FBXL3: variants seen among roughly 807,000 people sequenced by gnomAD.
The protein encoded by FBXL3 is F-box and leucine rich repeat protein 3.
In FBXL3, 14 loss-of-function variants were observed where a neutral mutation model predicts 37.9. The observed-to-expected ratio is 0.37, with a 90% CI of 0.24 to 0.58. FBXL3 has a LOEUF of 0.58. FBXL3 is among the 20% of genes least tolerant of loss of function. FBXL3 has a pLI of 0.74. For missense variants in FBXL3, 327 were observed against 511.1 expected, an observed-to-expected ratio of 0.64 and a Z score of 3.47; for synonymous variants, 194 against 180.1, an observed-to-expected ratio of 1.08 and a Z score of -0.62.
At position 77,006,100 on chromosome 13, in the gene FBXL3, T is replaced by C. The variant is rs145523101; in HGVS notation, c.*1045A>G. 7.9e-5 allele frequency: 12 copies of C among 152,666 alleles called. No individual in the cohort carries two copies. The highest frequency in any genetic ancestry group is 3.4e-3 in the Middle Eastern group (1 of 294). The allele number at this position is 152,666 out of a possible 1,614,324, so 9.5% of individuals were successfully genotyped here. ...AACTTAAATATGTCCTCTTTAAAATTTGCTGTTTATGCTAGACTGTACAAT... is the reference window on the plus strand; with the variant it reads ...AACTTAAATATGTCCTCTTTAAAATCTGCTGTTTATGCTAGACTGTACAAT... On this transcript the variant is annotated 3_prime_UTR_variant, in exon 5 of 5. Coordinates refer to ENST00000355619, the MANE Select transcript of FBXL3 (RefSeq NM_012158.4).
At chr13:77,018,456 T>A in intron 3 of FBXL3, 144 bp downstream of exon 3, 1 of 540,992 alleles carries the variant, frequency 1.8e-6, no homozygotes, top group Non-Finnish European at 2.8e-6. Context: ...AAAAATACTA[T>A]TTATTTTCAT....
intron 3 of FBXL3, 39 bp downstream of exon 3, chr13:77,018,561 T>C: frequency 1.4e-6 from 2 of 1,475,462 alleles, no homozygotes; most frequent in South Asian, 1.5e-5. Context: ...TTTCACTGAA[T>C]TTCTCAGTAA....
In FBXL3 at chr13:77,007,412, A is replaced by G. The variant is rs2034470701; in HGVS notation, c.1020T>C (p.Cys340=). 6.2e-7 allele frequency: 1 copy of G among 1,614,214 alleles called. No individual in the cohort carries two copies. Among genetic ancestry groups the G allele is most frequent in the Non-Finnish European group, 8.5e-7 (1 of 1,180,034 alleles). ...CATCAAGTGGCCGTAATCCATTTGC[A>G]CACACTACTAGTTCAACCAGTCTAG... The part of the protein sequence containing the change: ...TCPRLVELVV[C]ANGLRPLDEE... Residue 340 remains cysteine, a synonymous_variant, in exon 5 of 5, where the codon TGT becomes TGC. Transcript: ENST00000355619.
At chr13:77,022,539 G>T (rs928579413) in intron 1 of FBXL3, among the ~76,000 whole-genome samples, 1 of 152,200 alleles carries the variant, frequency 6.6e-6, no homozygotes, top group Non-Finnish European at 1.5e-5. Context: ...ATCTGAGGTG[G>T]AACAGTTTCT....
intron 4 of FBXL3, chr13:77,010,966 CAT>C (rs1413369169): frequency 6.6e-6 from 1 of 152,166 alleles, no homozygotes; most frequent in Non-Finnish European, 1.5e-5. Context: ...TATTTAAAAA[CAT>C]AACACAGTGA....
chr13:77,014,764 T>C (rs533598243), intron 4 of FBXL3: 4 of 152,334 alleles, frequency 2.6e-5, no homozygotes, highest in South Asian at 2.1e-4. Flanking sequence ...CAGCAGACAG[T>C]AGTATAATAC....
chr13:77,021,849 T>C lies in FBXL3; in HGVS notation c.12A>G (p.Gly4=). 1 of 1,605,542 alleles carries C rather than the reference T, an allele frequency of 6.2e-7. No homozygotes were observed. The highest frequency in any genetic ancestry group is 2.2e-5 in the East Asian group (1 of 44,766). ...ATGAATTACGGTCACTATCTCTTCCTCCTCGTTTCATCCTATTCCGAAAAA... is the reference window on the plus strand; with the variant it reads ...ATGAATTACGGTCACTATCTCTTCCCCCTCGTTTCATCCTATTCCGAAAAA... MKR[G]GRDSDRNSSE... Residue 4 remains glycine (G), a synonymous_variant, in exon 2 of 5, where the codon GGA becomes GGG. Coordinates refer to ENST00000355619, the MANE Select transcript of FBXL3 (RefSeq NM_012158.4).
At position 77,021,549 on chromosome 13, in the gene FBXL3, T is replaced by A. The variant is rs2034743955; in HGVS notation, c.312A>T (p.Lys104Asn). 1 of 1,613,956 alleles carries A rather than the reference T, an allele frequency of 6.2e-7. No homozygotes were observed. Among genetic ancestry groups the A allele is most frequent in the Non-Finnish European group, 8.5e-7 (1 of 1,179,890 alleles). ...THPELIKQIIKRHSNHLQYVS... is the reference protein window; with the variant it reads ...THPELIKQIINRHSNHLQYVS... ...CATATTGTAGATGGTTTGAATGTCT[T>A]TTAATAATCTGTTTGATCAGCTCTG... Residue 104 changes from lysine to asparagine, a missense_variant, in exon 2 of 5, where the codon AAA becomes AAT. Lys to Asn is a moderately conservative substitution (Grantham distance 94, BLOSUM62 0). Transcript: ENST00000355619.
intron 2 of FBXL3, among the ~76,000 whole-genome samples, chr13:77,021,023 C>G (rs1397842996): frequency 1.3e-5 from 2 of 152,208 alleles, no homozygotes; most frequent in Non-Finnish European, 2.9e-5. Flanking sequence ...TTGGCATTCT[C>G]CCATGTACCT....
intron 2 of FBXL3, among the ~76,000 whole-genome samples, chr13:77,020,412 C>A (rs1465860172): frequency 6.6e-6 from 1 of 152,202 alleles, no homozygotes; most frequent in Non-Finnish European, 1.5e-5. Flanking sequence ...ACCACCAATT[C>A]TCTCCTCCTC....
chr13:77,025,722 A>C (rs77600937), intron 1 of FBXL3, among the ~76,000 whole-genome samples: 1 of 150,976 alleles, frequency 6.6e-6, no homozygotes, highest in African/African-American at 2.4e-5. Flanking sequence ...ACTTTGAAAG[A>C]AGCAACTTCA....
In FBXL3 at chr13:77,007,316, T is replaced by C; in HGVS notation, c.1116A>G (p.Ser372=). 6.2e-7 allele frequency: 1 copy of C among 1,614,178 alleles called. No individual in the cohort carries two copies. Among genetic ancestry groups the C allele is most frequent in the South Asian group, 1.1e-5 (1 of 91,084 alleles). The stretch of plus-strand genomic sequence containing the variant: ...TCACAAACTCAACAAAGGCACTACA[T>C]GAGACTTCACATTCCCCTAGTCCAA... ...SAIGLGECEV[S]CSAFVEFVKM... The change falls in exon 5 of 5, where the codon TCA becomes TCG. Residue 372 remains serine, a synonymous_variant. Transcript: ENST00000355619.
At chr13:77,011,349 A>AC in intron 4 of FBXL3, among the ~76,000 whole-genome samples, 1 of 151,076 alleles carries the variant, frequency 6.6e-6, no homozygotes, top group Non-Finnish European at 1.5e-5. Flanking sequence ...GTCTCCAAAA[A>AC]AAAAAAAAAA....
chr13:77,008,560 C>G (rs1242221799), intron 4 of FBXL3: 1 of 152,172 alleles, frequency 6.6e-6, no homozygotes, highest in African/African-American at 2.4e-5. Context: ...TGTAAGAGTT[C>G]TGTTTTTGTT....
chr13:77,010,322 T>C (rs1428616372), intron 4 of FBXL3: 1 of 151,092 alleles, frequency 6.6e-6, no homozygotes, highest in Non-Finnish European at 1.5e-5. Flanking sequence ...AACTGTGGAG[T>C]ATCATTTAAT....
In FBXL3 at chr13:77,005,904, C is replaced by T. The variant is rs1245643498; in HGVS notation, c.*1241G>A. 6.6e-6 allele frequency: 1 copy of T among 152,464 alleles called. No individual in the cohort carries two copies. The highest frequency in any genetic ancestry group is 6.5e-5 in the Admixed American group (1 of 15,274). 9.4% of individuals were successfully genotyped at this position (152,464 alleles called of 1,614,324 possible). A position where few individuals can be genotyped will look rare whatever the true frequency, so the allele number is the denominator to read the frequency against. ...CTTTTAAAACTCAACATTTTATAGA[C>T]TCTACAATGCATGGATTACTTTTAT... On this transcript the variant is annotated 3_prime_UTR_variant, in exon 5 of 5. Coordinates refer to ENST00000355619, the MANE Select transcript of FBXL3 (RefSeq NM_012158.4).
At chr13:77,025,360 G>A (rs563102970) in intron 1 of FBXL3, among the ~76,000 whole-genome samples, 2 of 152,286 alleles carry the variant, frequency 1.3e-5, no homozygotes, top group East Asian at 3.9e-4. Flanking sequence ...CTGCTAAATA[G>A]CAAACTACTG....
intron 4 of FBXL3, chr13:77,015,162 T>G (rs1167324664): frequency 2.5e-5 from 7 of 276,218 alleles, no homozygotes; most frequent in Admixed American, 1.0e-4. Context: ...CCTCTTTTTT[T>G]TCCTGTTCAT....
Position 77,006,712 on chromosome 13 carries a change from T to G in FBXL3, c.*433A>C. ...TTTTCTCACAAAATGCTCACTTTCC[T>G]GAGCTATATTAAACACCTTATAACA... is the stretch of plus-strand genomic sequence containing the variant. On this transcript the variant is annotated 3_prime_UTR_variant, in exon 5 of 5. Coordinates refer to ENST00000355619, the MANE Select transcript of FBXL3 (RefSeq NM_012158.4). The G allele has an allele frequency of 4.8e-6, 3 of 624,348 alleles. No homozygotes were observed. Among genetic ancestry groups the G allele is most frequent in the Non-Finnish European group, 6.0e-6 (3 of 499,162 alleles). The allele number at this position is 624,348 out of a possible 1,614,324, so 38.7% of individuals were successfully genotyped here. A position where few individuals can be genotyped will look rare whatever the true frequency, so the allele number is the denominator to read the frequency against.
Sources: allele counts gnomAD v4.1 joint callset (sites outside exome capture counted in the v4.1 genomes callset), GRCh38; gene constraint gnomAD v4.1.1; transcripts MANE v1.5; gene names NCBI Gene and HGNC (gene_info 2026-07-23, HGNC 2026-07-21).